SPMAP2L: variants seen among roughly 807,000 people sequenced by gnomAD.
The protein encoded by SPMAP2L is sperm microtubule associated protein 2-like.
chr4:56,530,875 C>G, the SPMAP2L span: 15 of 1,534,860 alleles, frequency 9.8e-6, no homozygotes, highest in Non-Finnish European at 1.3e-5. Context: ...GGTCAGGGAG[C>G]AAGACCAGAG....
At chr4:56,557,614 C>A in the SPMAP2L span, 1 of 152,182 alleles carries the variant, frequency 6.6e-6, no homozygotes, top group Non-Finnish European at 1.5e-5. Flanking sequence ...CTGAAACAGA[C>A]TAGAGTTTTA....
the SPMAP2L span, among the ~76,000 whole-genome samples, chr4:56,606,449 T>C: frequency 5.9e-5 from 9 of 152,130 alleles, no homozygotes; most frequent in African/African-American, 1.4e-4. Flanking sequence ...ATCTTAAGCA[T>C]AGTGAAGCAA....
chr4:56,600,934 G>A, the SPMAP2L span: 3 of 1,533,718 alleles, frequency 2.0e-6, no homozygotes, highest in Non-Finnish European at 1.7e-6. Flanking sequence ...TCCACTATAG[G>A]TACCTCCTGC....
chr4:56,609,345 T>A, the SPMAP2L span, among the ~76,000 whole-genome samples: 1 of 152,306 alleles, frequency 6.6e-6, no homozygotes, highest in African/African-American at 2.4e-5. Flanking sequence ...CCAGCCACTA[T>A]TGTAATTTGA....
the SPMAP2L span, chr4:56,593,504 A>T: frequency 6.3e-7 from 1 of 1,595,160 alleles, no homozygotes. Context: ...GAGAGAGCTC[A>T]TCAGAGTGGG....
chr4:56,595,540 C>A, the SPMAP2L span: 8 of 1,467,232 alleles, frequency 5.5e-6, no homozygotes, highest in Admixed American at 1.3e-4. Context: ...CCACTGGGAC[C>A]GGCCTTATAT....
the SPMAP2L span, among the ~76,000 whole-genome samples, chr4:56,531,423 T>C: frequency 6.6e-6 from 1 of 152,228 alleles, no homozygotes; most frequent in Admixed American, 6.5e-5. Flanking sequence ...CTTCCACTGC[T>C]ATCTAATGAG....
chr4:56,594,351 C>T, the SPMAP2L span: 7 of 1,526,320 alleles, frequency 4.6e-6, no homozygotes, highest in African/African-American at 1.4e-5. Flanking sequence ...CTGAACAGTT[C>T]GTCTGAACTC....
At chr4:56,620,137 C>T in the SPMAP2L span, among the ~76,000 whole-genome samples, 1 of 152,226 alleles carries the variant, frequency 6.6e-6, no homozygotes, top group African/African-American at 2.4e-5. Context: ...TAGACCAGGG[C>T]CACAGCCTTG....
At chr4:56,576,378 G>A in the SPMAP2L span, among the ~76,000 whole-genome samples, 3 of 152,244 alleles carry the variant, frequency 2.0e-5, no homozygotes, top group African/African-American at 7.2e-5. Context: ...ACATCTGGAA[G>A]AGGAAGAAGA....
chr4:56,555,692 C>A, the SPMAP2L span, among the ~76,000 whole-genome samples: 2 of 151,616 alleles, frequency 1.3e-5, no homozygotes, highest in Admixed American at 6.6e-5. Flanking sequence ...TGGAATTATG[C>A]TTATGTATTT....
At chr4:56,593,901 C>T in the SPMAP2L span, 1 of 1,609,968 alleles carries the variant, frequency 6.2e-7, no homozygotes, top group Middle Eastern at 1.9e-4. Flanking sequence ...CATAATGCCA[C>T]TTTGATTTTG....
the SPMAP2L span, among the ~76,000 whole-genome samples, chr4:56,571,519 G>A: frequency 8.6e-4 from 131 of 151,890 alleles, 1 homozygote; most frequent in Middle Eastern, 3.4e-3. Context: ...GCTTTGCCAC[G>A]TTGCCCAGGC....
the SPMAP2L span, among the ~76,000 whole-genome samples, chr4:56,531,351 C>T: frequency 6.6e-6 from 1 of 152,124 alleles, no homozygotes. Flanking sequence ...TCAGCCCTTG[C>T]GTTTCAAGGG....
chr4:56,565,551 C>T, the SPMAP2L span, among the ~76,000 whole-genome samples: 4 of 152,162 alleles, frequency 2.6e-5, no homozygotes, highest in Admixed American at 6.5e-5. Flanking sequence ...AGTAGATGCT[C>T]CCAGTCCCCT....
the SPMAP2L span, among the ~76,000 whole-genome samples, chr4:56,610,606 CTTAA>C: frequency 6.6e-6 from 1 of 152,122 alleles, no homozygotes; most frequent in Admixed American, 6.6e-5. Context: ...ATAGCTGGGA[CTTAA>C]TTAAACTAAA....
chr4:56,578,694 C>A, the SPMAP2L span, among the ~76,000 whole-genome samples: 2 of 152,020 alleles, frequency 1.3e-5, no homozygotes, highest in East Asian at 3.9e-4. Context: ...CCTGGATTGG[C>A]CATACTGATA....
chr4:56,594,859 G>A, the SPMAP2L span: 7 of 1,607,836 alleles, frequency 4.4e-6, no homozygotes, highest in South Asian at 5.5e-5. Flanking sequence ...TGAACGCTCA[G>A]GTGGGAATCT....
At chr4:56,547,058 G>A in the SPMAP2L span, among the ~76,000 whole-genome samples, 7 of 152,144 alleles carry the variant, frequency 4.6e-5, no homozygotes, top group Non-Finnish European at 1.0e-4. Context: ...TTGCCTATAG[G>A]AGCCAAATCA....
Sources: allele counts gnomAD v4.1 joint callset (sites outside exome capture counted in the v4.1 genomes callset), GRCh38; gene constraint gnomAD v4.1.1; transcripts MANE v1.5; gene names NCBI Gene and HGNC (gene_info 2026-07-23, HGNC 2026-07-21).